Variants in DPP10 observed in about 807,000 individuals in gnomAD.
DPP10 encodes the protein inactive dipeptidyl peptidase 10.
In DPP10, 33 loss-of-function variants were observed where a neutral mutation model predicts 120.9. The ratio of observed to expected loss-of-function variants is 0.27; its 90% CI spans 0.21 to 0.37. The LOEUF (loss-of-function observed/expected upper bound fraction) is 0.37. Among genes scored for constraint, DPP10 ranks in the 10% least tolerant of loss-of-function variants. The pLI, the probability that DPP10 is intolerant of heterozygous loss-of-function variation, is 1.00. For missense variants in DPP10, 816 were observed against 942.8 expected (o/e 0.87, Z 1.76); for synonymous variants, 337 against 326.1 (o/e 1.03, Z -0.36).
chr2:115,087,506 T>C lies in DPP10; in HGVS notation c.61-221733T>C, dbSNP rs1708808135. Among the ~76,000 whole-genome samples the C allele has an allele frequency of 2.0e-5, 3 of 151,102 alleles. No individual in the cohort carries two copies. The Admixed American group carries it at 2.0e-4, about 10-fold the overall frequency. On this transcript the variant is annotated intron_variant, in intron 1 of 25. Coordinates refer to ENST00000410059, the MANE Select transcript of DPP10 (RefSeq NM_020868.6). ...CAAGGTCGTGACCTGAGACTATGTC[T>C]TTCTTTTTCTTTCTTTCTTTTCTTT... is the stretch of plus-strand genomic sequence containing the variant.
In DPP10 at chr2:115,069,754, T is replaced by A. The variant is rs75880106; in HGVS notation, c.61-239485T>A. Among the ~76,000 whole-genome samples, 961 of 152,072 alleles carry A rather than the reference T, an allele frequency of 6.3e-3. 8 individuals are homozygous for A. The highest frequency in any genetic ancestry group is 0.034 in the Middle Eastern group (10 of 294). ...AATCGCGTGCTGATGAATTTAGGCA[T>A]GTTACTTAACCTCTCTGAGAATCTT... is the stretch of plus-strand genomic sequence containing the variant. On this transcript the variant is annotated intron_variant, in intron 1 of 25. Coordinates refer to ENST00000410059, the MANE Select transcript of DPP10 (RefSeq NM_020868.6).
At chr2:115,053,496 G>A (rs574613934) in intron 1 of DPP10, among the ~76,000 whole-genome samples, 45 of 152,304 alleles carry the variant, frequency 3.0e-4, no homozygotes, top group African/African-American at 1.1e-3. Context: ...CGGATTAATG[G>A]ATTTTCTTCC....
intron 1 of DPP10, among the ~76,000 whole-genome samples, chr2:114,580,111 T>G (rs1384423532): frequency 6.6e-6 from 1 of 152,190 alleles, no homozygotes; most frequent in Non-Finnish European, 1.5e-5. Flanking sequence ...ATTAAAACAC[T>G]TTCTGTGATG....
intron 3 of DPP10, among the ~76,000 whole-genome samples, chr2:115,399,183 G>T (rs1234365992): frequency 6.6e-6 from 1 of 152,074 alleles, no homozygotes; most frequent in African/African-American, 2.4e-5. Context: ...TGCTCGCATT[G>T]TTTCTAACAT....
intron 1 of DPP10, among the ~76,000 whole-genome samples, chr2:114,899,505 C>T (rs983763762): frequency 2.6e-5 from 4 of 152,036 alleles, no homozygotes; most frequent in Non-Finnish European, 5.9e-5. Flanking sequence ...TAACTTTTGT[C>T]GTAATGAATT....
chr2:114,913,292 G>A (rs1372633484), intron 1 of DPP10, among the ~76,000 whole-genome samples: 4 of 152,130 alleles, frequency 2.6e-5, no homozygotes, highest in Admixed American at 2.0e-4. Flanking sequence ...ACATGCACAT[G>A]GGTCCTGCCA....
chr2:115,615,445 C>A (rs563180360), intron 5 of DPP10, among the ~76,000 whole-genome samples: 1 of 152,090 alleles, frequency 6.6e-6, no homozygotes, highest in Non-Finnish European at 1.5e-5. Context: ...ATGTTATGAA[C>A]GGCATCGCAC....
rs78131589 is a variant in DPP10, at chr2:114,996,214, G to A, written c.61-313025G>A. 1.0e-3 allele frequency among the ~76,000 whole-genome samples: 159 copies of A among 152,262 alleles called. 4 individuals carry two copies. The East Asian group carries it at 0.029, about 27-fold the overall frequency. On this transcript the variant is annotated intron_variant, in intron 1 of 25. Transcript: ENST00000410059. ...TTTAATATCACAGGTGGCTTGAGGC[G>A]AGGTGTAATCATCTGTCACTCTTCA...
At chr2:115,579,054 A>G (rs1350632104) in intron 5 of DPP10, 1 of 152,226 alleles carries the variant, frequency 6.6e-6, no homozygotes, top group Non-Finnish European at 1.5e-5. Flanking sequence ...TAAGCATTTT[A>G]TAAATGTTAA....
intron 1 of DPP10, among the ~76,000 whole-genome samples, chr2:115,155,990 T>A (rs1036249030): frequency 6.6e-6 from 1 of 152,216 alleles, no homozygotes; most frequent in Non-Finnish European, 1.5e-5. Context: ...TATTTAGATA[T>A]GCAGGATAGA....
chr2:114,916,943 A>G (rs760296136), intron 1 of DPP10, among the ~76,000 whole-genome samples: 80 of 152,196 alleles, frequency 5.3e-4, no homozygotes, highest in Non-Finnish European at 9.3e-4. Flanking sequence ...ATTTCTATTA[A>G]ACATAGTACT....
chr2:114,963,897 T>C (rs918389622), intron 1 of DPP10, among the ~76,000 whole-genome samples: 1 of 152,232 alleles, frequency 6.6e-6, no homozygotes. Flanking sequence ...AAGGTAAAAC[T>C]CTGCAAATAT....
intron 5 of DPP10, among the ~76,000 whole-genome samples, chr2:115,663,233 A>ATATATATATAT (rs1197010390): frequency 3.3e-5 from 5 of 152,164 alleles, no homozygotes; most frequent in Non-Finnish European, 7.4e-5. Context: ...TATTTTTTAA[A>ATATATATATAT]ATTCTTGAGC....
chr2:114,527,779 T>C (rs1368386881), intron 1 of DPP10, among the ~76,000 whole-genome samples: 1 of 152,294 alleles, frequency 6.6e-6, no homozygotes, highest in East Asian at 1.9e-4. Flanking sequence ...CTAGGTTATA[T>C]GGTACAGCCT....
intron 1 of DPP10, among the ~76,000 whole-genome samples, chr2:115,119,319 T>G (rs1370073799): frequency 6.6e-6 from 1 of 152,166 alleles, no homozygotes; most frequent in Non-Finnish European, 1.5e-5. Context: ...TCCTGAGATC[T>G]TATCAGGAAG....
chr2:115,293,622 T>G (rs923034729), intron 1 of DPP10, among the ~76,000 whole-genome samples: 1 of 152,090 alleles, frequency 6.6e-6, no homozygotes, highest in Non-Finnish European at 1.5e-5. Context: ...TGTTAACTGT[T>G]CAGAAACTGT....
intron 5 of DPP10, among the ~76,000 whole-genome samples, chr2:115,671,296 A>G (rs1381999379): frequency 1.3e-5 from 2 of 151,928 alleles, no homozygotes; most frequent in East Asian, 1.9e-4. Flanking sequence ...ATAAACCAAG[A>G]TGATATTTTA....
Position 114,448,966 on chromosome 2 carries a change from TA to T in DPP10, c.60+6129del, listed in dbSNP as rs774763490. 1.1e-4 allele frequency among the ~76,000 whole-genome samples: 17 copies of T among 152,318 alleles called. No homozygotes were observed. The East Asian group carries it at 3.1e-3, about 28-fold the overall frequency. ...GGTGTTACTCAACATGTAAGCAGGT[TA>T]GAGGCCTTGCTTTTTGTTTTAAATT... On this transcript the variant is annotated intron_variant, in intron 1 of 25. Transcript: ENST00000410059.
At chr2:115,609,165 A>G (rs1167941948) in intron 5 of DPP10, among the ~76,000 whole-genome samples, 1 of 152,176 alleles carries the variant, frequency 6.6e-6, no homozygotes, top group Non-Finnish European at 1.5e-5. Flanking sequence ...TCATAATGGC[A>G]GTATTAGACA....
Sources: gnomAD v4.1 joint callset for allele counts (sites outside exome capture counted in the v4.1 genomes callset) on GRCh38, gnomAD v4.1.1 for gene constraint, MANE v1.5 for transcripts, NCBI Gene and HGNC (gene_info 2026-07-23, HGNC 2026-07-21) for gene names.